Variants in NTM observed in about 807,000 individuals in gnomAD.
The protein encoded by NTM is neurotrimin.
NTM carries 13 observed loss-of-function variants against 42.1 expected under a neutral mutation model. That is an observed-to-expected ratio of 0.31 (90% CI 0.20 to 0.49). The LOEUF (loss-of-function observed/expected upper bound fraction) is 0.49. Ranked by LOEUF, NTM falls within the 20% of genes least tolerant of loss-of-function variation. The pLI is 0.99. For missense variants in NTM, 373 were observed against 452.8 expected, an observed-to-expected ratio of 0.82 and a Z score of 1.60; for synonymous variants, 187 against 179.2, an observed-to-expected ratio of 1.04 and a Z score of -0.35.
chr11:131,608,047 T>TC (rs1200543952), intron 1 of NTM, among the ~76,000 whole-genome samples: 2 of 152,098 alleles, frequency 1.3e-5, no homozygotes, highest in African/African-American at 4.8e-5. Flanking sequence ...ATGCTATCCC[T>TC]CCCCCAACCC....
At chr11:131,935,928 T>G (rs1436847833) in intron 2 of NTM, among the ~76,000 whole-genome samples, 1 of 152,144 alleles carries the variant, frequency 6.6e-6, no homozygotes, top group African/African-American at 2.4e-5. Context: ...TTAGCTTAAA[T>G]CAGCATTAAA....
chr11:132,222,265 G>T (rs1468087203), intron 4 of NTM, among the ~76,000 whole-genome samples: 1 of 152,156 alleles, frequency 6.6e-6, no homozygotes, highest in African/African-American at 2.4e-5. Flanking sequence ...CTTCCACCTG[G>T]ATGGCCGTGG....
At chr11:131,698,815 A>T (rs148289814) in intron 1 of NTM, among the ~76,000 whole-genome samples, 6 of 152,238 alleles carry the variant, frequency 3.9e-5, no homozygotes, top group African/African-American at 1.4e-4. Context: ...CCCAGATATG[A>T]TTTGCTGAGG....
At chr11:132,287,637 G>A (rs2139948169) in intron 4 of NTM, among the ~76,000 whole-genome samples, 1 of 152,196 alleles carries the variant, frequency 6.6e-6, no homozygotes, top group South Asian at 2.1e-4. Context: ...AATGAATCAG[G>A]GACTTTTGAC....
chr11:132,304,743 A>G (rs2095013599), intron 4 of NTM, among the ~76,000 whole-genome samples: 1 of 152,216 alleles, frequency 6.6e-6, no homozygotes, highest in Non-Finnish European at 1.5e-5. Context: ...TATTAAGCAT[A>G]TTACTATGTA....
At chr11:132,045,901 T>G (rs775305855) in intron 2 of NTM, among the ~76,000 whole-genome samples, 7 of 152,202 alleles carry the variant, frequency 4.6e-5, no homozygotes, top group Admixed American at 1.3e-4. Context: ...TCTGGAGCAG[T>G]GTTGTTTTGG....
intron 2 of NTM, among the ~76,000 whole-genome samples, chr11:132,044,028 ATG>A (rs2077568622): frequency 7.5e-6 from 1 of 132,726 alleles, no homozygotes; most frequent in Admixed American, 7.6e-5. Context: ...ATATGTGTGT[ATG>A]TGTGTATATG....
intron 1 of NTM, among the ~76,000 whole-genome samples, chr11:131,387,412 C>T (rs1306625759): frequency 1.3e-5 from 2 of 152,152 alleles, no homozygotes; most frequent in African/African-American, 2.4e-5. Context: ...CAGCTCCATA[C>T]CTTTGCAGGA....
At chr11:132,278,417 G>A (rs1389445378) in intron 4 of NTM, among the ~76,000 whole-genome samples, 1 of 152,150 alleles carries the variant, frequency 6.6e-6, no homozygotes. Context: ...ACCCATCTCT[G>A]CTAATCCGTC....
At chr11:131,485,527 A>G (rs7951040) in intron 1 of NTM, among the ~76,000 whole-genome samples, 25,314 of 152,018 alleles carry the variant, frequency 0.17, 3,748 homozygotes, top group East Asian at 0.45. Context: ...GCCCCTGAAA[A>G]AGCTAAGCCT....
At chr11:131,986,859 C>T (rs2066149400) in intron 2 of NTM, among the ~76,000 whole-genome samples, 1 of 152,104 alleles carries the variant, frequency 6.6e-6, no homozygotes, top group East Asian at 1.9e-4. Flanking sequence ...TCTTAAATAA[C>T]TTAATTCTTA....
intron 2 of NTM, among the ~76,000 whole-genome samples, chr11:132,116,233 A>G (rs962753366): frequency 2.0e-5 from 3 of 152,166 alleles, no homozygotes; most frequent in Non-Finnish European, 2.9e-5. Flanking sequence ...CACACACTCC[A>G]TAGGGCTGGA....
chr11:131,911,175 C>G, intron 1 of NTM: 1 of 1,339,972 alleles, frequency 7.5e-7, no homozygotes. Flanking sequence ...GCGCCCACAC[C>G]TTTCACCTGC....
chr11:131,873,561 CCGTATATATATA>C (rs1333894367), intron 1 of NTM, among the ~76,000 whole-genome samples: 1 of 38,912 alleles, frequency 2.6e-5, no homozygotes, highest in Non-Finnish European at 6.4e-5. Context: ...TATATATATA[CCGTATATATATA>C]CATATATATA....
At chr11:131,657,175 G>T (rs2067307869) in intron 1 of NTM, among the ~76,000 whole-genome samples, 1 of 150,640 alleles carries the variant, frequency 6.6e-6, no homozygotes. Flanking sequence ...CATCGAAATG[G>T]GTCAGGTGAG....
intron 4 of NTM, among the ~76,000 whole-genome samples, chr11:132,216,502 A>T (rs756290357): frequency 3.9e-5 from 6 of 152,164 alleles, no homozygotes; most frequent in Non-Finnish European, 8.8e-5. Flanking sequence ...ACTGACAATA[A>T]AAACCTCATC....
chr11:132,087,857 T>C (rs1323316165), intron 2 of NTM, among the ~76,000 whole-genome samples: 1 of 152,230 alleles, frequency 6.6e-6, no homozygotes, highest in Non-Finnish European at 1.5e-5. Context: ...GTTGGATTAA[T>C]TGACCAGGGG....
At chr11:131,962,238 G>A (rs1220552238) in intron 2 of NTM, among the ~76,000 whole-genome samples, 1 of 152,164 alleles carries the variant, frequency 6.6e-6, no homozygotes, top group African/African-American at 2.4e-5. Context: ...CAGAGTAGAG[G>A]GGGTAGGAAG....
At chr11:131,736,118 C>T (rs1291792216) in intron 1 of NTM, among the ~76,000 whole-genome samples, 2 of 152,094 alleles carry the variant, frequency 1.3e-5, no homozygotes, top group African/African-American at 4.8e-5. Context: ...CAGGTGTGAG[C>T]CACCACACCC....
Sources: allele counts gnomAD v4.1 joint callset (sites outside exome capture counted in the v4.1 genomes callset), GRCh38; gene constraint gnomAD v4.1.1; transcripts MANE v1.5; gene names NCBI Gene and HGNC (gene_info 2026-07-23, HGNC 2026-07-21).